The following HLTF variants were observed in gnomAD, a reference collection of about 807,000 sequenced individuals.
The protein encoded by HLTF is DNA-dependent ATPase/E3 ubiquitin-protein ligase HLTF.
In HLTF, 127 loss-of-function variants were observed where a neutral mutation model predicts 129.4. The observed-to-expected ratio is 0.98, with a 90% CI of 0.85 to 1.14. The LOEUF (loss-of-function observed/expected upper bound fraction) is 1.14, where lower values mean the gene tolerates loss of function less well. Ranked by LOEUF, HLTF falls within the 50% of genes most tolerant of loss-of-function variation. HLTF has a pLI of 0.00. For synonymous variants in HLTF, 332 were observed against 388.8 expected (o/e 0.85, Z 1.72); for missense variants, 1,139 against 1,187.1 (o/e 0.96, Z 0.60).
At chr3:149,075,426 G>A (rs1559881141) in intron 3 of HLTF, among the ~76,000 whole-genome samples, 3 of 152,276 alleles carry the variant, frequency 2.0e-5, no homozygotes, top group African/African-American at 7.2e-5. Flanking sequence ...GCAGGCACCT[G>A]TAGCTACTCA....
intron 15 of HLTF, among the ~76,000 whole-genome samples, chr3:149,050,006 G>C (rs1010286938): frequency 6.6e-6 from 1 of 151,606 alleles, no homozygotes; most frequent in East Asian, 1.9e-4. Context: ...GGAGGGGGAG[G>C]GGAGGAGTGG....
intron 23 of HLTF, among the ~76,000 whole-genome samples, chr3:149,036,900 T>A (rs770794252): frequency 3.3e-5 from 5 of 152,238 alleles, no homozygotes; most frequent in Admixed American, 6.5e-5. Flanking sequence ...CAACTTACTA[T>A]AAAACTGCTA....
intron 13 of HLTF, among the ~76,000 whole-genome samples, chr3:149,057,107 CAAAAAAAAAAAAA>C (rs56809507): frequency 2.2e-4 from 6 of 27,746 alleles, no homozygotes; most frequent in African/African-American, 2.7e-4. Flanking sequence ...GACTCCGTCT[CAAAAAAAAAAAAA>C]AAAAAAAAAA....
At position 149,039,068 on chromosome 3, in the gene HLTF, C is replaced by G; in HGVS notation, c.2777G>C (p.Arg926Pro). 6.3e-7 allele frequency: 1 copy of G among 1,581,786 alleles called. No individual in the cohort carries two copies. Among genetic ancestry groups the G allele is most frequent in the Non-Finnish European group, 8.6e-7 (1 of 1,167,132 alleles). ...ACTTACTGGATCCATTAAAAACACT[C>G]GAGAAGCTGCAGACAGATTCAAACC... is the stretch of plus-strand genomic sequence containing the variant. Reference protein sequence around the residue: ...GVGLNLSAASRVFLMDPAWNP... With the variant: ...GVGLNLSAASPVFLMDPAWNP... The change falls in exon 23 of 25, where the codon CGA (arginine) becomes CCA (proline). Residue 926 changes from arginine to proline, a missense_variant. By Grantham distance (103) the Arg-to-Pro change is moderately radical. Transcript: ENST00000310053.
chr3:149,044,020 A>T (rs1038150533), intron 18 of HLTF, among the ~76,000 whole-genome samples: 5 of 152,134 alleles, frequency 3.3e-5, no homozygotes, highest in African/African-American at 1.2e-4. Context: ...GAATAGGCAA[A>T]ATAATACAAA....
chr3:149,079,270 T>G (rs1164141434), intron 2 of HLTF, among the ~76,000 whole-genome samples: 2 of 147,930 alleles, frequency 1.4e-5, no homozygotes, highest in African/African-American at 5.0e-5. Flanking sequence ...GCTCAACAAC[T>G]CCAACTAAAA....
At chr3:149,085,414 G>A (rs1294617844) in intron 1 of HLTF, among the ~76,000 whole-genome samples, 2 of 152,126 alleles carry the variant, frequency 1.3e-5, no homozygotes, top group Non-Finnish European at 2.9e-5. Flanking sequence ...ACTTGAACCC[G>A]GGAGGCGTAG....
chr3:149,084,874 C>T lies in HLTF; in HGVS notation c.36G>A (p.Lys12=). The T allele has an allele frequency of 6.2e-7, 1 of 1,611,546 alleles. No individual in the cohort carries two copies. The highest frequency in any genetic ancestry group is 8.5e-7 in the Non-Finnish European group (1 of 1,178,810). Residue 12 remains lysine (K), a synonymous_variant, in exon 2 of 25, where the codon AAG becomes AAA. Transcript: ENST00000310053. The part of the protein sequence containing the change: ...SWMFKRDPVW[K]YLQTVQYGVH... ...CTCCATACTGGACAGTCTGCAAGTA[C>T]TTCCAAACTGGATCCCTATTTTTTT...
Position 149,084,788 on chromosome 3 carries a change from T to C in HLTF, c.122A>G (p.Asp41Gly). The C allele has an allele frequency of 6.2e-7, 1 of 1,614,026 alleles. No individual in the cohort carries two copies. Among genetic ancestry groups the C allele is most frequent in the Non-Finnish European group, 8.5e-7 (1 of 1,179,898 alleles). The change falls in exon 2 of 25, where the codon GAT (aspartate) becomes GGT (glycine). Residue 41 changes from aspartate (D) to glycine (G), a missense_variant. Asp to Gly is a moderately conservative substitution (Grantham distance 94, BLOSUM62 -1). Transcript: ENST00000310053. ...PTFFPRFEFQ[D>G]VIPPDDFLTS... Reference sequence around the variant, plus strand: ...TAGAAAGTCATCTGGAGGGATAACATCTTGGAATTCAAAACGTGGAAAGAA... The same window carrying C: ...TAGAAAGTCATCTGGAGGGATAACACCTTGGAATTCAAAACGTGGAAAGAA...
chr3:149,086,435 G>C lies in HLTF; in HGVS notation c.-99C>G. The C allele has an allele frequency of 7.1e-7, 1 of 1,414,748 alleles. No homozygotes were observed. Among genetic ancestry groups the C allele is most frequent in the South Asian group, 1.2e-5 (1 of 80,322 alleles). 87.6% of individuals were successfully genotyped at this position (1,414,748 alleles called of 1,614,324 possible). A position where few individuals can be genotyped will look rare whatever the true frequency, so the allele number is the denominator to read the frequency against. The stretch of plus-strand genomic sequence containing the variant: ...TTCCAGGCCCCGCAGCCCTGAAGCC[G>C]GGGACAAATTCCGAGCGCCGGATCA... On this transcript the variant is annotated 5_prime_UTR_variant, in exon 1 of 25. Transcript: ENST00000310053.
At chr3:149,061,681 C>T (rs1012042843) in intron 10 of HLTF, among the ~76,000 whole-genome samples, 4 of 150,522 alleles carry the variant, frequency 2.7e-5, no homozygotes, top group African/African-American at 9.8e-5. Context: ...ACTAAAAATA[C>T]AAAAACTAGC....
chr3:149,076,898 A>AAAAAGCATTTATACAAGAAT (rs1197707904), intron 2 of HLTF, among the ~76,000 whole-genome samples: 1 of 152,202 alleles, frequency 6.6e-6, no homozygotes, highest in Non-Finnish European at 1.5e-5. Context: ...ATTCAAGAAT[A>AAAAAGCATTTATACAAGAAT]AAAAGAATAA....
intron 17 of HLTF, among the ~76,000 whole-genome samples, 170 bp downstream of exon 17, chr3:149,047,858 T>C (rs1485849195): frequency 6.6e-6 from 1 of 152,148 alleles, no homozygotes; most frequent in Non-Finnish European, 1.5e-5. Flanking sequence ...GAAATCTTTG[T>C]CTTTCCAAAC....
Position 149,042,295 on chromosome 3 carries a change from A to G in HLTF, c.2073-5T>C, listed in dbSNP as rs1716198767. Reference sequence around the variant, plus strand: ...ACAGTCCCTTCATTAAAATACCTAGAGATTAAAATGTCAAATATTATTAAG... The same window carrying G: ...ACAGTCCCTTCATTAAAATACCTAGGGATTAAAATGTCAAATATTATTAAG... On this transcript the variant is annotated splice_polypyrimidine_tract_variant and splice_region_variant and intron_variant, in intron 18 of 24. Coordinates refer to ENST00000310053, the MANE Select transcript of HLTF (RefSeq NM_003071.4). The G allele has an allele frequency of 6.2e-7, 1 of 1,602,838 alleles. No individual in the cohort carries two copies. Among genetic ancestry groups the G allele is most frequent in the Non-Finnish European group, 8.5e-7 (1 of 1,172,736 alleles).
At chr3:149,038,015 G>A (rs923644268) in intron 23 of HLTF, among the ~76,000 whole-genome samples, 13 of 152,090 alleles carry the variant, frequency 8.5e-5, no homozygotes, top group Non-Finnish European at 1.8e-4. Context: ...GCATTAAAAC[G>A]TACTCAGAAC....
chr3:149,041,127 CTTTTTATA>C (rs1018753712), intron 20 of HLTF, among the ~76,000 whole-genome samples: 1 of 152,014 alleles, frequency 6.6e-6, no homozygotes, highest in African/African-American at 2.4e-5. Flanking sequence ...CACATTAATA[CTTTTTATA>C]TTTTAGATAT....
chr3:149,076,951 G>A (rs1559882344), intron 2 of HLTF, among the ~76,000 whole-genome samples: 1 of 152,042 alleles, frequency 6.6e-6, no homozygotes, highest in Non-Finnish European at 1.5e-5. Context: ...CAGCAATCCT[G>A]TAGCCTTTAA....
At chr3:149,050,821 T>A (rs1170560448) in intron 14 of HLTF, among the ~76,000 whole-genome samples, 1 of 152,170 alleles carries the variant, frequency 6.6e-6, no homozygotes, top group Non-Finnish European at 1.5e-5. Flanking sequence ...GGCCTACTAT[T>A]TGCCAGGTAT....
intron 5 of HLTF, among the ~76,000 whole-genome samples, chr3:149,072,775 T>C (rs1352101293): frequency 1.3e-5 from 2 of 152,194 alleles, no homozygotes; most frequent in Non-Finnish European, 2.9e-5. Context: ...TCTGCATTAA[T>C]TACTTTATAT....
Sources: allele counts gnomAD v4.1 joint callset (sites outside exome capture counted in the v4.1 genomes callset), GRCh38; gene constraint gnomAD v4.1.1; transcripts MANE v1.5; gene names NCBI Gene and HGNC (gene_info 2026-07-23, HGNC 2026-07-21).